The following CACNA1H variants were observed in gnomAD, a reference collection of about 807,000 sequenced individuals.
CACNA1H encodes voltage-dependent T-type calcium channel subunit alpha-1H.
A neutral mutation model predicts 192.5 loss-of-function variants in CACNA1H; 149 were observed. That is an observed-to-expected ratio of 0.77 (90% CI 0.68 to 0.89). The LOEUF is 0.89. CACNA1H is among the 40% of genes least tolerant of loss of function. The probability of loss-of-function intolerance (pLI) is 0.00; values close to 1 mark genes in which losing one functional copy is unlikely to be tolerated. For synonymous variants in CACNA1H, 2,202 were observed against 1,475.2 expected, an observed-to-expected ratio of 1.49 and a Z score of -11.29; for missense variants, 4,257 against 3,423.5, an observed-to-expected ratio of 1.24 and a Z score of -6.08.
intron 5 of CACNA1H, among the ~76,000 whole-genome samples, chr16:1,197,392 A>G (rs1967108271): frequency 6.6e-6 from 1 of 152,192 alleles, no homozygotes; most frequent in Admixed American, 6.5e-5. Flanking sequence ...AACCCAGCAC[A>G]CACAGCCCCT....
intron 2 of CACNA1H, among the ~76,000 whole-genome samples, chr16:1,187,326 GA>G (rs544089950): frequency 6.6e-6 from 1 of 152,310 alleles, no homozygotes; most frequent in East Asian, 1.9e-4. Context: ...GGTGGGTACA[GA>G]GAGGGGAGCA....
intron 2 of CACNA1H, among the ~76,000 whole-genome samples, chr16:1,164,867 C>T (rs536495958): frequency 9.5e-4 from 145 of 152,252 alleles, no homozygotes; most frequent in Non-Finnish European, 1.6e-3. Context: ...TGGGTGAGCC[C>T]GTGGCCCCGT....
At chr16:1,186,131 T>G (rs1596355446) in intron 2 of CACNA1H, among the ~76,000 whole-genome samples, 1 of 92,984 alleles carries the variant, frequency 1.1e-5, no homozygotes, top group African/African-American at 4.0e-5. Context: ...AGGCGGGGTG[T>G]GTACGGGGCG....
rs559982155 is a variant in CACNA1H, at chr16:1,213,805, C to G, written c.4803C>G (p.Ala1601=). The G allele has an allele frequency of 8.6e-5, 136 of 1,573,106 alleles. No homozygotes were observed. The East Asian group carries it at 1.9e-3, about 22-fold the overall frequency. The change falls in exon 27 of 35, where the codon GCC becomes GCG. Residue 1601 remains alanine, a synonymous_variant. Coordinates refer to ENST00000348261, the MANE Select transcript of CACNA1H (RefSeq NM_021098.3). ...AGGCCCAGCGCCGGCCCTACTATGC[C>G]GACTACTCGCCCACGCGCCGCTCCA... is the stretch of plus-strand genomic sequence containing the variant. The part of the protein sequence containing the change: ...SPEAQRRPYY[A]DYSPTRRSIH...
At position 1,220,636 on chromosome 16, in the gene CACNA1H, C is replaced by G; in HGVS notation, c.6704C>G (p.Thr2235Arg). The change falls in exon 35 of 35, where the codon ACA becomes AGA. Residue 2235 changes from threonine (T) to arginine (R), a missense_variant. Thr to Arg is a moderately conservative substitution (Grantham distance 71, BLOSUM62 -1). Transcript: ENST00000348261. ...ATPHRDSLEP[T>R]EGSGAGGDPA... is the part of the protein sequence containing the mutation. Reference sequence around the variant, plus strand: ...CCTCACAGGGACTCCCTGGAGCCCACAGAGGGCTCAGGCGCCGGGGGGGAC... The same window carrying G: ...CCTCACAGGGACTCCCTGGAGCCCAGAGAGGGCTCAGGCGCCGGGGGGGAC... 6.2e-7 allele frequency: 1 copy of G among 1,600,606 alleles called. No homozygotes were observed. Among genetic ancestry groups the G allele is most frequent in the Admixed American group, 1.7e-5 (1 of 57,906 alleles).
At chr16:1,211,118 TGGC>T in intron 21 of CACNA1H, 47 bp from the exon 22 acceptor site, 1 of 1,598,168 alleles carries the variant, frequency 6.3e-7, no homozygotes, top group Non-Finnish European at 8.5e-7. Flanking sequence ...TGCCGGCGCC[TGGC>T]AGCTGCTGCC....
rs72552032 is a variant in CACNA1H, at chr16:1,200,236, C to T, written c.804-20C>T. The T allele has an allele frequency of 8.9e-6, 14 of 1,575,144 alleles. 1 individual carries two copies. The highest frequency in any genetic ancestry group is 5.8e-5 in the South Asian group (5 of 86,246). ...CTGACCCTGATTGTACCTTTTGGCC[C>T]TGGCTGTGCCCATCCCCAGGAACAA... On this transcript the variant is annotated intron_variant, in intron 6 of 34. Transcript: ENST00000348261.
At chr16:1,200,227 C>A (rs779743613) in intron 6 of CACNA1H, 29 bp from the exon 7 acceptor site, 2 of 1,561,460 alleles carry the variant, frequency 1.3e-6, no homozygotes, top group Non-Finnish European at 1.7e-6. Flanking sequence ...CTGATTGTAC[C>A]TTTTGGCCCT....
Position 1,206,147 on chromosome 16 carries a change from C to T in CACNA1H, c.2647C>T (p.Leu883=), listed in dbSNP as rs1968676976. 1.3e-6 allele frequency: 2 copies of T among 1,586,668 alleles called. No homozygotes were observed. The highest frequency in any genetic ancestry group is 1.7e-6 in the Non-Finnish European group (2 of 1,168,790). ...VGQADGGLSV[L]RTFRLLRVLK... ...GCAGGCGGACGGTGGCTTGTCTGTG[C>T]TGCGCACCTTCCGGCTGCTGCGTGT... The change falls in exon 12 of 35, where the codon CTG becomes TTG. Residue 883 remains leucine (L), a synonymous_variant. Coordinates refer to ENST00000348261, the MANE Select transcript of CACNA1H (RefSeq NM_021098.3).
In CACNA1H at chr16:1,220,938, C is replaced by G; in HGVS notation, c.7006C>G (p.Pro2336Ala). 1 of 1,607,886 alleles carries G rather than the reference C, an allele frequency of 6.2e-7. No individual in the cohort carries two copies. The highest frequency in any genetic ancestry group is 1.1e-5 in the South Asian group (1 of 90,838). ...AGTCCCCCAGTGTCCTCTGGAGAAA[C>G]CAGGGTCCCCCTCAGCCACCCCTGC... is the stretch of plus-strand genomic sequence containing the variant. ...LTVPQCPLEK[P>A]GSPSATPAPG... The change falls in exon 35 of 35, where the codon CCA (proline) becomes GCA (alanine). Residue 2336 changes from proline (P) to alanine (A), a missense_variant. By Grantham distance (27) the Pro-to-Ala change is conservative. Coordinates refer to ENST00000348261, the MANE Select transcript of CACNA1H (RefSeq NM_021098.3).
intron 2 of CACNA1H, among the ~76,000 whole-genome samples, chr16:1,154,639 C>T (rs1483851506): frequency 6.6e-6 from 1 of 152,216 alleles, no homozygotes; most frequent in African/African-American, 2.4e-5. Flanking sequence ...TGACTTAAGT[C>T]ATGCGCAGCT....
rs932411884 is a variant in CACNA1H at position 1,221,760 on chromosome 16, T to C, written c.*766T>C. Reference sequence around the variant, plus strand: ...GCGGAGCGGAATAAATAGTAACTTATTTAAGAAATGCACTTGGATTCCTGC... The same window carrying C: ...GCGGAGCGGAATAAATAGTAACTTACTTAAGAAATGCACTTGGATTCCTGC... On this transcript the variant is annotated 3_prime_UTR_variant, in exon 35 of 35. Transcript: ENST00000348261. 4.4e-6 allele frequency: 7 copies of C among 1,574,266 alleles called. No individual in the cohort carries two copies. The highest frequency in any genetic ancestry group is 2.3e-5 in the East Asian group (1 of 44,180).
rs538063813 is a variant in CACNA1H, at chr16:1,184,810, G to A, written c.300-10162G>A. 2.3e-4 allele frequency among the ~76,000 whole-genome samples: 35 copies of A among 152,362 alleles called. 1 individual carries two copies. Among genetic ancestry groups the A allele is most frequent in the Admixed American group, 1.9e-3 (29 of 15,310 alleles). ...CTGCAGACAGGTGCGGGGCTCCAGC[G>A]AAGGGAAGCTGCCATTTAAAGGCAA... On this transcript the variant is annotated intron_variant, in intron 2 of 34. Coordinates refer to ENST00000348261, the MANE Select transcript of CACNA1H (RefSeq NM_021098.3).
intron 2 of CACNA1H, among the ~76,000 whole-genome samples, chr16:1,165,116 C>G (rs1963626473): frequency 6.6e-6 from 1 of 152,132 alleles, no homozygotes; most frequent in Non-Finnish European, 1.5e-5. Flanking sequence ...GGAGAAGGTG[C>G]TGGCATGTCT....
intron 2 of CACNA1H, among the ~76,000 whole-genome samples, chr16:1,186,774 C>T (rs895252898): frequency 6.6e-6 from 1 of 152,202 alleles, no homozygotes; most frequent in African/African-American, 2.4e-5. Flanking sequence ...TGGAGATATT[C>T]TGCCCTTCTA....
rs767436883 is a variant in CACNA1H, at chr16:1,207,109, C to T, written c.2898C>T (p.Thr966=). Residue 966 remains threonine (T), a synonymous_variant, in exon 13 of 35, where the codon ACC becomes ACT. Coordinates refer to ENST00000348261, the MANE Select transcript of CACNA1H (RefSeq NM_021098.3). Reference sequence around the variant, plus strand: ...ACTCCCTGCTGTGGGCCATCGTCACCGTGTTCCAGGTAGTGCCCGGGGTCC... The same window carrying T: ...ACTCCCTGCTGTGGGCCATCGTCACTGTGTTCCAGGTAGTGCCCGGGGTCC... ...NFDSLLWAIV[T]VFQILTQEDW... 53 of 1,590,832 alleles carry T rather than the reference C, an allele frequency of 3.3e-5. No homozygotes were observed. The highest frequency in any genetic ancestry group is 2.4e-4 in the South Asian group (21 of 87,680).
intron 2 of CACNA1H, among the ~76,000 whole-genome samples, chr16:1,183,125 G>C (rs114852821): frequency 0.061 from 9,170 of 151,336 alleles, 683 homozygotes; most frequent in African/African-American, 0.17. Flanking sequence ...CCCAGGTGGC[G>C]GTTTCCAGGA....
rs1457482037 is a variant in CACNA1H at position 1,204,044 on chromosome 16, C to T, written c.2037C>T (p.Leu679=). The T allele has an allele frequency of 7.6e-6, 12 of 1,581,224 alleles. No homozygotes were observed. Among genetic ancestry groups the T allele is most frequent in the Admixed American group, 1.8e-5 (1 of 56,138 alleles). The change falls in exon 10 of 35, where the codon CTC becomes CTT. Residue 679 remains leucine (L), a synonymous_variant. Transcript: ENST00000348261. Reference sequence around the variant, plus strand: ...AGGCCCCTGGCCATCTGTCGGGCCTCAGTGTGCCCTGCCCCCTGCCCAGCC... The same window carrying T: ...AGGCCCCTGGCCATCTGTCGGGCCTTAGTGTGCCCTGCCCCCTGCCCAGCC... ...LGQAPGHLSG[L]SVPCPLPSPP... is the part of the protein sequence containing the mutation.
chr16:1,208,936 A>G, intron 16 of CACNA1H, 96 bp from the exon 17 acceptor site: 1 of 1,264,572 alleles, frequency 7.9e-7, no homozygotes, highest in African/African-American at 1.6e-5. Context: ...GCATTAAATG[A>G]TCCACGTGTG....
Sources: gnomAD v4.1 joint callset for allele counts (sites outside exome capture counted in the v4.1 genomes callset) on GRCh38, gnomAD v4.1.1 for gene constraint, MANE v1.5 for transcripts, NCBI Gene and HGNC (gene_info 2026-07-23, HGNC 2026-07-21) for gene names.